Variants in KCNMA1 observed in about 807,000 individuals in gnomAD.
KCNMA1 encodes Calcium-activated potassium channel subunit alpha-1.
Under a neutral mutation model 140.0 loss-of-function variants are expected in KCNMA1, and 29 were observed. That is an observed-to-expected ratio of 0.21 (90% confidence interval 0.15 to 0.28). The LOEUF (loss-of-function observed/expected upper bound fraction) is 0.28. Among genes scored for constraint, KCNMA1 ranks in the 10% least tolerant of loss-of-function variants. The probability of loss-of-function intolerance (pLI) is 1.00; values close to 1 mark genes in which losing one functional copy is unlikely to be tolerated. For synonymous variants in KCNMA1, 612 were observed against 611.9 expected, an observed-to-expected ratio of 1.00 and a Z score of 0.00; for missense variants, 880 against 1,602.2, an observed-to-expected ratio of 0.55 and a Z score of 7.70.
chr10:76,920,610 A>G (rs1160238317), intron 23 of KCNMA1, among the ~76,000 whole-genome samples: 1 of 152,056 alleles, frequency 6.6e-6, no homozygotes, highest in Admixed American at 6.6e-5. Flanking sequence ...GTGTTTAGGG[A>G]CTGTTGATAT....
At chr10:77,606,680 T>G (rs2084660410) in intron 1 of KCNMA1, among the ~76,000 whole-genome samples, 2 of 152,132 alleles carry the variant, frequency 1.3e-5, no homozygotes, top group Non-Finnish European at 2.9e-5. Context: ...CCCGTCTTCC[T>G]AAGTCCTTTC....
At chr10:77,503,145 C>T (rs1486726487) in intron 1 of KCNMA1, among the ~76,000 whole-genome samples, 1 of 152,174 alleles carries the variant, frequency 6.6e-6, no homozygotes, top group Non-Finnish European at 1.5e-5. Flanking sequence ...GAAAGGTAAA[C>T]AGGTAAGAGC....
At chr10:77,067,167 G>C (rs1222304615) in intron 14 of KCNMA1, among the ~76,000 whole-genome samples, 2 of 152,170 alleles carry the variant, frequency 1.3e-5, no homozygotes, top group African/African-American at 4.8e-5. Context: ...GAGTAAAGCA[G>C]ATTGCTCCCC....
chr10:76,881,895 T>C (rs2034823628), downstream of KCNMA1, among the ~76,000 whole-genome samples: 1 of 152,134 alleles, frequency 6.6e-6, no homozygotes, highest in Admixed American at 6.5e-5. Flanking sequence ...GCTTAGGGTT[T>C]TTCCCCTCCC....
At chr10:77,316,619 GC>G (rs1279379780) in intron 2 of KCNMA1, among the ~76,000 whole-genome samples, 2 of 152,096 alleles carry the variant, frequency 1.3e-5, no homozygotes, top group Admixed American at 1.3e-4. Context: ...GGTTTAGCCT[GC>G]TTATTACAAG....
intron 2 of KCNMA1, among the ~76,000 whole-genome samples, chr10:77,300,389 T>C (rs2076255612): frequency 6.6e-6 from 1 of 152,142 alleles, no homozygotes; most frequent in African/African-American, 2.4e-5. Context: ...CCCCATACAA[T>C]GGGGAGGATG....
Position 77,134,954 on chromosome 10 carries a change from T to C in KCNMA1, c.809-13906A>G, listed in dbSNP as rs1470409782. ...TGGAGATTGCAGTGAGCTGAGATCA[T>C]GCCACCGCACTCCAGCCTGGGAGAC... is the stretch of plus-strand genomic sequence containing the variant. On this transcript the variant is annotated intron_variant, in intron 5 of 27. Coordinates refer to ENST00000286628, the MANE Select transcript of KCNMA1 (RefSeq NM_001161352.2). Among the ~76,000 whole-genome samples, 25 of 113,214 alleles carry C rather than the reference T, an allele frequency of 2.2e-4. No homozygotes were observed. In the Admixed American group the frequency reaches 3.3e-3, roughly 15 times the overall value. The allele number at this position is 113,214 out of a possible 152,430, so 74.3% of individuals were successfully genotyped here.
chr10:76,891,783 G>C, intron 25 of KCNMA1, 64 bp from the exon 26 acceptor site: 2 of 1,359,606 alleles, frequency 1.5e-6, no homozygotes, highest in Non-Finnish European at 2.1e-6. Flanking sequence ...CATGACAGCC[G>C]ACATCCAAAT....
chr10:77,429,919 T>C (rs1387641871), intron 1 of KCNMA1, among the ~76,000 whole-genome samples: 1 of 152,160 alleles, frequency 6.6e-6, no homozygotes, highest in Non-Finnish European at 1.5e-5. Context: ...GTCAGAGCCA[T>C]GCATAGAAGC....
chr10:77,229,675 C>T (rs1050775103), intron 3 of KCNMA1, among the ~76,000 whole-genome samples: 9 of 152,198 alleles, frequency 5.9e-5, no homozygotes, highest in Admixed American at 1.3e-4. Flanking sequence ...CCACATTGTG[C>T]TGCTGGCCAT....
At chr10:77,203,424 AG>A (rs1183381691) in intron 3 of KCNMA1, among the ~76,000 whole-genome samples, 2 of 152,150 alleles carry the variant, frequency 1.3e-5, no homozygotes, top group Non-Finnish European at 2.9e-5. Flanking sequence ...TGCCTCCTCC[AG>A]AAAGCCTCCC....
chr10:77,237,648 T>C (rs2055983272), intron 3 of KCNMA1, among the ~76,000 whole-genome samples: 1 of 151,984 alleles, frequency 6.6e-6, no homozygotes, highest in Non-Finnish European at 1.5e-5. Context: ...TTCCAGGGCC[T>C]CACTACATTG....
chr10:77,392,126 T>C (rs1159483431), intron 2 of KCNMA1, among the ~76,000 whole-genome samples: 1 of 127,950 alleles, frequency 7.8e-6, no homozygotes, highest in East Asian at 2.6e-4. Context: ...AGGAATGGAA[T>C]GAGGCGAGGA....
chr10:77,581,390 C>T (rs950168868), intron 1 of KCNMA1, among the ~76,000 whole-genome samples: 1 of 151,836 alleles, frequency 6.6e-6, no homozygotes, highest in Non-Finnish European at 1.5e-5. Context: ...CTCACTGTAA[C>T]CTCTGCCTCC....
chr10:77,197,294 T>C (rs998385317), intron 3 of KCNMA1, among the ~76,000 whole-genome samples: 2 of 152,194 alleles, frequency 1.3e-5, no homozygotes, highest in African/African-American at 4.8e-5. Context: ...TCAAATCAGG[T>C]AACATTATTC....
chr10:77,134,682 G>C (rs1403171666), intron 5 of KCNMA1, among the ~76,000 whole-genome samples: 1 of 151,980 alleles, frequency 6.6e-6, no homozygotes, highest in Non-Finnish European at 1.5e-5. Context: ...AAAAAGCTTG[G>C]CCCAACAAAA....
At chr10:77,452,284 C>T (rs2097677527) in intron 1 of KCNMA1, among the ~76,000 whole-genome samples, 1 of 152,114 alleles carries the variant, frequency 6.6e-6, no homozygotes, top group Admixed American at 6.6e-5. Flanking sequence ...GGGAGATGAT[C>T]ACATTTGAGT....
Position 76,887,161 on chromosome 10 carries a change from A to G in KCNMA1, c.*105T>C, listed in dbSNP as rs201684830. Reference sequence around the variant, plus strand: ...CATATGCAAATATGTGTAAAAAAAAAGGGGGGGACTACAGGGGAAAACAGG... The same window carrying G: ...CATATGCAAATATGTGTAAAAAAAAGGGGGGGGACTACAGGGGAAAACAGG... On this transcript the variant is annotated 3_prime_UTR_variant, in exon 28 of 28. Transcript: ENST00000286628. 121 of 1,609,026 alleles carry G rather than the reference A, an allele frequency of 7.5e-5. No individual in the cohort carries two copies. Among genetic ancestry groups the G allele is most frequent in the African/African-American group, 3.1e-4 (23 of 74,876 alleles).
intron 1 of KCNMA1, among the ~76,000 whole-genome samples, chr10:77,535,949 A>G (rs1312066132): frequency 6.6e-6 from 1 of 152,228 alleles, no homozygotes; most frequent in East Asian, 1.9e-4. Flanking sequence ...AGGTAGATAG[A>G]AGGAATACGA....
Sources: gnomAD v4.1 joint callset for allele counts (sites outside exome capture counted in the v4.1 genomes callset) on GRCh38, gnomAD v4.1.1 for gene constraint, MANE v1.5 for transcripts, NCBI Gene and HGNC (gene_info 2026-07-23, HGNC 2026-07-21) for gene names.